TLK1: variants seen among roughly 807,000 people sequenced by gnomAD.
TLK1 encodes tousled like kinase 1.
In TLK1, 24 loss-of-function variants were observed where a neutral mutation model predicts 105.3. The ratio of observed to expected loss-of-function variants is 0.23; its 90% confidence interval spans 0.17 to 0.32. TLK1 has a LOEUF of 0.32. Among genes scored for constraint, TLK1 ranks in the 10% least tolerant of loss-of-function variants. The probability of loss-of-function intolerance (pLI) is 1.00; values close to 1 mark genes in which losing one functional copy is unlikely to be tolerated. For synonymous variants in TLK1, 321 were observed against 310.4 expected (o/e 1.03, Z -0.36); for missense variants, 558 against 910.5 (o/e 0.61, Z 4.98).
intron 3 of TLK1, among the ~76,000 whole-genome samples, chr2:171,073,639 C>T (rs1271556981): frequency 2.0e-5 from 3 of 152,090 alleles, no homozygotes; most frequent in Admixed American, 6.6e-5. Context: ...GACTCACTTC[C>T]TTTGCTATGA....
chr2:171,046,052 C>A, intron 11 of TLK1, 122 bp downstream of exon 11: 3 of 809,454 alleles, frequency 3.7e-6, no homozygotes, highest in East Asian at 3.0e-5. Flanking sequence ...TTCAATACTG[C>A]CTTCCTTCCT....
At chr2:171,010,571 G>T (rs1463287882) in intron 14 of TLK1, among the ~76,000 whole-genome samples, 1 of 149,612 alleles carries the variant, frequency 6.7e-6, no homozygotes, top group African/African-American at 2.5e-5. Flanking sequence ...ATGATAAAAG[G>T]GACCTTAGGA....
At chr2:171,111,302 G>A (rs1690146451) in intron 2 of TLK1, among the ~76,000 whole-genome samples, 1 of 152,188 alleles carries the variant, frequency 6.6e-6, no homozygotes, top group South Asian at 2.1e-4. Flanking sequence ...GCTGAGCACA[G>A]TGGCTCACAC....
chr2:171,065,412 G>GT (rs1257362539), intron 3 of TLK1, among the ~76,000 whole-genome samples: 2 of 152,022 alleles, frequency 1.3e-5, no homozygotes, highest in Non-Finnish European at 2.9e-5. Flanking sequence ...AGAAACAAAA[G>GT]TTACTCTAAT....
intron 12 of TLK1, among the ~76,000 whole-genome samples, chr2:171,027,950 G>C (rs1456532421): frequency 6.6e-6 from 1 of 152,112 alleles, no homozygotes; most frequent in Non-Finnish European, 1.5e-5. Context: ...ATCACACGAA[G>C]CCAGGAGTTT....
intron 1 of TLK1, among the ~76,000 whole-genome samples, chr2:171,187,057 CAAAAAAAAAAAAAAA>C (rs71013019): frequency 8.8e-5 from 3 of 34,030 alleles, no homozygotes; most frequent in Non-Finnish European, 1.5e-4. Context: ...GACTCTGTCT[CAAAAAAAAAAAAAAA>C]AAAAAAAAAA....
intron 2 of TLK1, among the ~76,000 whole-genome samples, chr2:171,099,033 C>T (rs1214576005): frequency 4.6e-5 from 7 of 152,126 alleles, no homozygotes; most frequent in Admixed American, 4.6e-4. Context: ...TATGTGCTCT[C>T]ACCACTTCAG....
chr2:171,168,377 T>TA (rs1308982203), intron 1 of TLK1, among the ~76,000 whole-genome samples: 1 of 151,816 alleles, frequency 6.6e-6, no homozygotes, highest in Non-Finnish European at 1.5e-5. Flanking sequence ...CCAAAAAAAA[T>TA]AAAAAAATAA....
chr2:171,108,086 C>CA lies in TLK1; in HGVS notation c.258+9652dup, dbSNP rs869099435. Among the ~76,000 whole-genome samples the CA allele has an allele frequency of 1.4e-5, 2 of 145,596 alleles. 1 individual carries two copies. Among genetic ancestry groups the CA allele is most frequent in the Non-Finnish European group, 3.0e-5 (2 of 67,104 alleles). On this transcript the variant is annotated intron_variant, in intron 2 of 20. Transcript: ENST00000431350. Reference sequence around the variant, plus strand: ...AAAAAAACAACAACAACAACAACAACAAAAAAACAGGAGCCAGGAGACCAC... The same window carrying CA: ...AAAAAAACAACAACAACAACAACAACAAAAAAAACAGGAGCCAGGAGACCAC...
intron 1 of TLK1, among the ~76,000 whole-genome samples, chr2:171,194,033 A>T (rs1463217569): frequency 6.6e-6 from 1 of 151,996 alleles, no homozygotes; most frequent in African/African-American, 2.4e-5. Context: ...TTGTTTTAAT[A>T]ATGGGATTGC....
chr2:171,172,274 C>T (rs1156297416), intron 1 of TLK1, among the ~76,000 whole-genome samples: 2 of 152,108 alleles, frequency 1.3e-5, no homozygotes, highest in Non-Finnish European at 2.9e-5. Flanking sequence ...AGGAGGGAGG[C>T]TTCTGAGTGA....
At chr2:170,998,077 TCTATCTATCTATCTACCTAC>T (rs1559331559) in intron 18 of TLK1, among the ~76,000 whole-genome samples, 2 of 105,084 alleles carry the variant, frequency 1.9e-5, no homozygotes, top group African/African-American at 6.0e-5. Context: ...TATCTATCTA[TCTATCTATCTATCTACCTAC>T]CTACCTACCT....
rs189921381 is a variant in TLK1, at chr2:171,118,422, A to G, written c.140-565T>C. On this transcript the variant is annotated intron_variant, in intron 1 of 20. Transcript: ENST00000431350. ...ATAACTAACTACATTTTAAACTATA[A>G]AGAACTGTTTTATTATTGTCACAAT... Among the ~76,000 whole-genome samples, 258 of 152,322 alleles carry G rather than the reference A, an allele frequency of 1.7e-3. No individual in the cohort carries two copies. In the Middle Eastern group the frequency reaches 0.02, roughly 12 times the overall value.
At chr2:171,024,288 CTT>C (rs2105386990) in intron 12 of TLK1, among the ~76,000 whole-genome samples, 1 of 151,924 alleles carries the variant, frequency 6.6e-6, no homozygotes, top group African/African-American at 2.4e-5. Flanking sequence ...TTAAAAAGGT[CTT>C]TGTTGACCTT....
intron 1 of TLK1, among the ~76,000 whole-genome samples, chr2:171,142,460 G>C (rs1419939543): frequency 6.6e-6 from 1 of 152,120 alleles, no homozygotes; most frequent in Non-Finnish European, 1.5e-5. Flanking sequence ...AACACCAAAT[G>C]AAAGTTAGTG....
At position 171,050,301 on chromosome 2, in the gene TLK1, C is replaced by T. The variant is rs1434260947; in HGVS notation, c.733-127G>A. The T allele has an allele frequency of 5.8e-5, 30 of 519,904 alleles. 1 individual carries two copies. The highest frequency in any genetic ancestry group is 3.2e-4 in the East Asian group (9 of 28,226). 32.2% of individuals were successfully genotyped at this position (519,904 alleles called of 1,614,324 possible). A position where few individuals can be genotyped will look rare whatever the true frequency, so the allele number is the denominator to read the frequency against. On this transcript the variant is annotated intron_variant, in intron 8 of 20. Coordinates refer to ENST00000431350, the MANE Select transcript of TLK1 (RefSeq NM_012290.5). The stretch of plus-strand genomic sequence containing the variant: ...TAATATTAAATATCTGAGTATGATA[C>T]GAGAAAAAAAAAAAGCCTACTTAAC...
rs202128322 is a variant in TLK1 at position 171,011,469 on chromosome 2, C to A, written c.1335-15G>T. 6.3e-7 allele frequency: 1 copy of A among 1,598,106 alleles called. No individual in the cohort carries two copies. Among genetic ancestry groups the A allele is most frequent in the Non-Finnish European group, 8.5e-7 (1 of 1,172,854 alleles). On this transcript the variant is annotated splice_polypyrimidine_tract_variant and intron_variant, in intron 13 of 20. Transcript: ENST00000431350. Reference sequence around the variant, plus strand: ...GATCTTTGAACCTTAGAGGTGGGGGCAAAAAACAGACATATTAAAACACAC... The same window carrying A: ...GATCTTTGAACCTTAGAGGTGGGGGAAAAAAACAGACATATTAAAACACAC...
chr2:171,025,041 CT>C (rs1358934226), intron 12 of TLK1, among the ~76,000 whole-genome samples: 3 of 152,106 alleles, frequency 2.0e-5, no homozygotes, highest in Non-Finnish European at 4.4e-5. Context: ...TTTACATTTA[CT>C]TTTTGGTAGT....
At chr2:171,191,647 C>T (rs1483255207) in intron 1 of TLK1, among the ~76,000 whole-genome samples, 1 of 152,126 alleles carries the variant, frequency 6.6e-6, no homozygotes, top group Non-Finnish European at 1.5e-5. Context: ...TGGGAGGAAG[C>T]AAAGGGAAAT....
Sources: allele counts gnomAD v4.1 joint callset (sites outside exome capture counted in the v4.1 genomes callset), GRCh38; gene constraint gnomAD v4.1.1; transcripts MANE v1.5; gene names NCBI Gene and HGNC (gene_info 2026-07-23, HGNC 2026-07-21).